DEUP1: variants seen among roughly 807,000 people sequenced by gnomAD.
The protein encoded by DEUP1 is coiled-coil domain containing 67.
DEUP1 carries 82 observed loss-of-function variants against 87.4 expected under a neutral mutation model. That is an observed-to-expected ratio of 0.94 (90% CI 0.78 to 1.13). The LOEUF (loss-of-function observed/expected upper bound fraction) is 1.13. DEUP1 is among the 50% of genes most tolerant of loss of function. The pLI, the probability that DEUP1 is intolerant of heterozygous loss-of-function variation, is 0.00. For synonymous variants in DEUP1, 214 were observed against 222.7 expected, an observed-to-expected ratio of 0.96 and a Z score of 0.35; for missense variants, 663 against 681.5, an observed-to-expected ratio of 0.97 and a Z score of 0.30.
At chr11:93,418,562 T>G (rs368371254) in intron 13 of DEUP1, among the ~76,000 whole-genome samples, 1,820 of 149,158 alleles carry the variant, frequency 0.012, 24 homozygotes, top group Middle Eastern at 0.028. Flanking sequence ...GGAGAAATAG[T>G]AACACTTTTA....
At chr11:93,434,709 TAGAC>T (rs1430853990) in intron 13 of DEUP1, among the ~76,000 whole-genome samples, 2 of 152,166 alleles carry the variant, frequency 1.3e-5, no homozygotes, top group East Asian at 1.9e-4. Flanking sequence ...TAAAGATACA[TAGAC>T]AGAAAGCACA....
chr11:93,392,078 A>G (rs1329576796), intron 9 of DEUP1, among the ~76,000 whole-genome samples: 1 of 152,230 alleles, frequency 6.6e-6, no homozygotes, highest in Non-Finnish European at 1.5e-5. Context: ...TTGGTGGCAT[A>G]AAGCCTGATG....
chr11:93,341,687 A>T (rs554934594), intron 2 of DEUP1, among the ~76,000 whole-genome samples: 1 of 152,316 alleles, frequency 6.6e-6, no homozygotes, highest in African/African-American at 2.4e-5. Flanking sequence ...GCTCTACTGC[A>T]CACCAGCCCG....
intron 3 of DEUP1, among the ~76,000 whole-genome samples, chr11:93,355,926 G>GA (rs1408308109): frequency 1.3e-5 from 2 of 152,154 alleles, no homozygotes; most frequent in African/African-American, 2.4e-5. Context: ...GAATATGCTG[G>GA]AAAAAATAGA....
At chr11:93,406,713 A>G (rs908259608) in intron 11 of DEUP1, among the ~76,000 whole-genome samples, 6 of 151,972 alleles carry the variant, frequency 3.9e-5, no homozygotes, top group African/African-American at 1.4e-4. Flanking sequence ...CTAACTTAAG[A>G]AACAGTAACT....
At chr11:93,435,244 G>T (rs757476084) in intron 13 of DEUP1, among the ~76,000 whole-genome samples, 1 of 152,030 alleles carries the variant, frequency 6.6e-6, no homozygotes, top group Non-Finnish European at 1.5e-5. Flanking sequence ...TCTCCTTGAG[G>T]GATGATGCCA....
Position 93,356,941 on chromosome 11 carries a change from C to A in DEUP1, c.202-7C>A. On this transcript the variant is annotated splice_polypyrimidine_tract_variant and splice_region_variant and intron_variant, in intron 3 of 13. Coordinates refer to ENST00000298050, the MANE Select transcript of DEUP1 (RefSeq NM_181645.4). ...AAAAGCAAAATTAAATTTTATTCTT[C>A]ATGCAGGTAGGGTTACTTCGACAGA... The A allele has an allele frequency of 6.4e-7, 1 of 1,567,518 alleles. No individual in the cohort carries two copies. The highest frequency in any genetic ancestry group is 8.7e-7 in the Non-Finnish European group (1 of 1,153,890).
chr11:93,358,346 T>TC (rs1944996637), intron 4 of DEUP1, among the ~76,000 whole-genome samples: 2 of 152,326 alleles, frequency 1.3e-5, no homozygotes, highest in Non-Finnish European at 2.9e-5. Context: ...TTTTCAGTGC[T>TC]AACCAAAAAA....
chr11:93,338,832 A>G (rs1020684918), intron 2 of DEUP1, among the ~76,000 whole-genome samples: 1 of 152,234 alleles, frequency 6.6e-6, no homozygotes, highest in Non-Finnish European at 1.5e-5. Context: ...GAGTTGAATC[A>G]AGAGTTCAGA....
chr11:93,407,985 C>T lies in DEUP1; in HGVS notation c.1327-246C>T, dbSNP rs77844437. Among the ~76,000 whole-genome samples the T allele has an allele frequency of 5.1e-3, 778 of 152,090 alleles. 4 individuals are homozygous for T. The highest frequency in any genetic ancestry group is 0.01 in the Middle Eastern group (3 of 294). On this transcript the variant is annotated intron_variant, in intron 11 of 13. Coordinates refer to ENST00000298050, the MANE Select transcript of DEUP1 (RefSeq NM_181645.4). ...AGCAATATTGTATGTATTGCACCAT[C>T]CAACAGTGGGGATGATGCAATACAT... is the stretch of plus-strand genomic sequence containing the variant.
intron 13 of DEUP1, among the ~76,000 whole-genome samples, chr11:93,419,996 C>T (rs1303034087): frequency 4.6e-5 from 7 of 152,068 alleles, no homozygotes; most frequent in African/African-American, 9.7e-5. Context: ...CAAGGAGGAG[C>T]TGGTACCCTT....
chr11:93,372,740 A>C (rs1945805476), intron 7 of DEUP1, among the ~76,000 whole-genome samples: 1 of 152,242 alleles, frequency 6.6e-6, no homozygotes, highest in African/African-American at 2.4e-5. Flanking sequence ...GTTAGAATAC[A>C]GATGTAAACC....
At chr11:93,345,282 T>C (rs1472946297) in intron 2 of DEUP1, among the ~76,000 whole-genome samples, 1 of 152,210 alleles carries the variant, frequency 6.6e-6, no homozygotes, top group Non-Finnish European at 1.5e-5. Context: ...GGTTGATTCG[T>C]TGTCTTTGCT....
intron 11 of DEUP1, among the ~76,000 whole-genome samples, chr11:93,401,963 A>C (rs1391371360): frequency 6.6e-6 from 1 of 151,922 alleles, no homozygotes; most frequent in Non-Finnish European, 1.5e-5. Flanking sequence ...TTTTTTGTGT[A>C]AGTTCTCAAA....
chr11:93,364,261 C>T lies in DEUP1; in HGVS notation c.399C>T (p.Pro133=), dbSNP rs779505054. ...TACCACACCTTAAAGAAGAAATACC[C>T]TTTGAACTGAGCAATTTGAACCAGA... The part of the protein sequence containing the change: ...KELPHLKEEI[P]FELSNLNQKL... The change falls in exon 5 of 14, where the codon CCC becomes CCT. Residue 133 remains proline, a synonymous_variant. Coordinates refer to ENST00000298050, the MANE Select transcript of DEUP1 (RefSeq NM_181645.4). 1.2e-6 allele frequency: 2 copies of T among 1,610,064 alleles called. No individual in the cohort carries two copies. Among genetic ancestry groups the T allele is most frequent in the Admixed American group, 3.3e-5 (2 of 59,842 alleles).
chr11:93,356,947 G>C lies in DEUP1; in HGVS notation c.202-1G>C. The C allele has an allele frequency of 6.3e-7, 1 of 1,582,912 alleles. No homozygotes were observed. Among genetic ancestry groups the C allele is most frequent in the Non-Finnish European group, 8.6e-7 (1 of 1,164,472 alleles). ...AAAATTAAATTTTATTCTTCATGCA[G>C]GTAGGGTTACTTCGACAGAAATTGG... On this transcript the variant is annotated splice_acceptor_variant, in intron 3 of 13. Coordinates refer to ENST00000298050, the MANE Select transcript of DEUP1 (RefSeq NM_181645.4). LOFTEE classifies it high-confidence loss of function.
intron 7 of DEUP1, among the ~76,000 whole-genome samples, chr11:93,376,123 AT>A (rs1259590153): frequency 4.0e-5 from 6 of 151,744 alleles, no homozygotes; most frequent in Non-Finnish European, 2.9e-5. Flanking sequence ...TAATTTTTGT[AT>A]TTTTTAGTGT....
rs1487007655 is a variant in DEUP1, at chr11:93,371,078, A to G, written c.587A>G (p.Lys196Arg). The part of the protein sequence containing the change: ...QSYQTQLNGK[K>R]QCLEDSSSEI... ...TACCAAACTCAACTAAATGGTAAAAAACAGTGCTTAGAAGACAGCAGCTCT... is the reference window on the plus strand; with the variant it reads ...TACCAAACTCAACTAAATGGTAAAAGACAGTGCTTAGAAGACAGCAGCTCT... The change falls in exon 7 of 14, where the codon AAA becomes AGA. Residue 196 changes from lysine to arginine, a missense_variant. Lys to Arg is a conservative substitution (Grantham distance 26, BLOSUM62 2). Transcript: ENST00000298050. 6.2e-7 allele frequency: 1 copy of G among 1,612,196 alleles called. No individual in the cohort carries two copies. The highest frequency in any genetic ancestry group is 8.5e-7 in the Non-Finnish European group (1 of 1,178,960).
At chr11:93,406,035 T>C (rs1323007320) in intron 11 of DEUP1, among the ~76,000 whole-genome samples, 1 of 152,114 alleles carries the variant, frequency 6.6e-6, no homozygotes, top group East Asian at 1.9e-4. Flanking sequence ...AGAGCATTTT[T>C]CATGAGTTTT....
Sources: gnomAD v4.1 joint callset for allele counts (sites outside exome capture counted in the v4.1 genomes callset) on GRCh38, gnomAD v4.1.1 for gene constraint, MANE v1.5 for transcripts, NCBI Gene and HGNC (gene_info 2026-07-23, HGNC 2026-07-21) for gene names.